ASAP1: variants seen among roughly 807,000 people sequenced by gnomAD.
ASAP1 encodes the protein ArfGAP with SH3 domain, ankyrin repeat and PH domain 1.
A neutral mutation model predicts 145.2 loss-of-function variants in ASAP1; 43 were observed. The ratio of observed to expected loss-of-function variants is 0.30; its 90% CI spans 0.23 to 0.38. The LOEUF (loss-of-function observed/expected upper bound fraction) is 0.38, where lower values mean the gene tolerates loss of function less well. Ranked by LOEUF, ASAP1 falls within the 10% of genes least tolerant of loss-of-function variation. The pLI, the probability that ASAP1 is intolerant of heterozygous loss-of-function variation, is 1.00. For missense variants in ASAP1, 1,018 were observed against 1,355.3 expected, an observed-to-expected ratio of 0.75 and a Z score of 3.91; for synonymous variants, 546 against 515.5, an observed-to-expected ratio of 1.06 and a Z score of -0.80.
intron 25 of ASAP1, among the ~76,000 whole-genome samples, chr8:130,081,761 G>C (rs2097481062): frequency 6.6e-6 from 1 of 152,176 alleles, no homozygotes; most frequent in Non-Finnish European, 1.5e-5. Context: ...TGGGGAAATG[G>C]TGTACCTGGG....
intron 3 of ASAP1, among the ~76,000 whole-genome samples, chr8:130,295,681 TATG>T (rs1335272103): frequency 6.6e-6 from 1 of 152,188 alleles, no homozygotes; most frequent in Non-Finnish European, 1.5e-5. Context: ...GCTGCAACTG[TATG>T]ATGTGCATGA....
At chr8:130,103,958 C>T (rs2097532936) in intron 24 of ASAP1, among the ~76,000 whole-genome samples, 2 of 152,206 alleles carry the variant, frequency 1.3e-5, no homozygotes, top group African/African-American at 4.8e-5. Flanking sequence ...CTTCTCTAAT[C>T]CATCCCCTCT....
intron 24 of ASAP1, among the ~76,000 whole-genome samples, chr8:130,109,282 T>A (rs747049983): frequency 1.8e-4 from 27 of 152,082 alleles, no homozygotes; most frequent in Non-Finnish European, 2.4e-4. Flanking sequence ...GCTACTGAGC[T>A]CCTCTGAGAC....
At chr8:130,084,993 TGTAA>T (rs946185883) in intron 25 of ASAP1, among the ~76,000 whole-genome samples, 9 of 152,188 alleles carry the variant, frequency 5.9e-5, no homozygotes, top group Non-Finnish European at 1.2e-4. Context: ...AGATGAGGAA[TGTAA>T]GTGATTCCCA....
chr8:130,136,853 T>G, intron 14 of ASAP1, 98 bp downstream of exon 14: 1 of 1,009,540 alleles, frequency 9.9e-7, no homozygotes, highest in Non-Finnish European at 1.6e-6. Flanking sequence ...ATGCCAACTG[T>G]GAGGAGCCCT....
intron 10 of ASAP1, among the ~76,000 whole-genome samples, chr8:130,168,179 T>C (rs1438837138): frequency 6.6e-6 from 1 of 152,210 alleles, no homozygotes; most frequent in Non-Finnish European, 1.5e-5. Context: ...TTTGTAATTA[T>C]AAAACTTTAT....
chr8:130,343,932 C>T (rs1018643139), intron 3 of ASAP1, among the ~76,000 whole-genome samples: 8 of 152,152 alleles, frequency 5.3e-5, no homozygotes, highest in African/African-American at 9.7e-5. Context: ...GTGACAGTAG[C>T]GGCTACCTCT....
At chr8:130,361,272 G>A (rs2138192920) in intron 2 of ASAP1, 1 of 210,162 alleles carries the variant, frequency 4.8e-6, no homozygotes, top group Non-Finnish European at 9.7e-6. Flanking sequence ...TTCCCTCCTA[G>A]TAACTGATGC....
intron 3 of ASAP1, among the ~76,000 whole-genome samples, chr8:130,331,683 G>T (rs951305649): frequency 1.3e-5 from 2 of 152,132 alleles, no homozygotes; most frequent in Admixed American, 1.3e-4. Context: ...CTGTTACCTA[G>T]TCAAGAGGTG....
chr8:130,164,483 T>C (rs1028246234), intron 11 of ASAP1, among the ~76,000 whole-genome samples: 5 of 152,072 alleles, frequency 3.3e-5, no homozygotes, highest in Non-Finnish European at 5.9e-5. Flanking sequence ...CCCAGCTACT[T>C]GGGAGGCTGA....
At chr8:130,308,785 T>A (rs2137512078) in intron 3 of ASAP1, among the ~76,000 whole-genome samples, 1 of 152,308 alleles carries the variant, frequency 6.6e-6, no homozygotes, top group Middle Eastern at 3.4e-3. Context: ...CTTACACCTG[T>A]AATCCCACCA....
At chr8:130,277,295 A>G (rs1820971254) in intron 3 of ASAP1, among the ~76,000 whole-genome samples, 1 of 152,226 alleles carries the variant, frequency 6.6e-6, no homozygotes, top group Admixed American at 6.5e-5. Flanking sequence ...TGTAGCAGCC[A>G]CTTGGTAACG....
At chr8:130,383,959 G>C (rs908019623) in intron 2 of ASAP1, among the ~76,000 whole-genome samples, 1 of 152,202 alleles carries the variant, frequency 6.6e-6, no homozygotes, top group Non-Finnish European at 1.5e-5. Context: ...CTCCTTTCCA[G>C]AACTGGCCAC....
At chr8:130,387,643 C>T (rs147488641) in intron 2 of ASAP1, among the ~76,000 whole-genome samples, 2,513 of 141,898 alleles carry the variant, frequency 0.018, 35 homozygotes, top group Middle Eastern at 0.052. Flanking sequence ...GATGACAGAG[C>T]GAGACTCCAT....
At chr8:130,330,497 G>A (rs763729510) in intron 3 of ASAP1, among the ~76,000 whole-genome samples, 2 of 152,186 alleles carry the variant, frequency 1.3e-5, no homozygotes, top group Non-Finnish European at 2.9e-5. Flanking sequence ...ACACCTTTGG[G>A]ACAGAAAGCA....
intron 25 of ASAP1, among the ~76,000 whole-genome samples, chr8:130,089,915 C>CA (rs141311731): frequency 0.02 from 3,116 of 152,310 alleles, 49 homozygotes; most frequent in East Asian, 0.064. Context: ...GGCGAACTGT[C>CA]ACTGTGGCCG....
At chr8:130,055,727 G>A (rs1354075383) in intron 29 of ASAP1, among the ~76,000 whole-genome samples, 1 of 152,168 alleles carries the variant, frequency 6.6e-6, no homozygotes, top group Non-Finnish European at 1.5e-5. Flanking sequence ...GCACTAAAGA[G>A]AATCATGTAA....
chr8:130,290,057 C>T (rs918585158), intron 3 of ASAP1, among the ~76,000 whole-genome samples: 16 of 152,128 alleles, frequency 1.1e-4, no homozygotes, highest in Admixed American at 9.2e-4. Flanking sequence ...CAGTTGGCAA[C>T]GGCCCGAGAG....
intron 4 of ASAP1, among the ~76,000 whole-genome samples, chr8:130,233,025 G>A (rs780775505): frequency 2.0e-5 from 3 of 152,146 alleles, no homozygotes; most frequent in Non-Finnish European, 4.4e-5. Context: ...CATTTTTAAA[G>A]AATTAAATGT....
Sources: allele counts gnomAD v4.1 joint callset (sites outside exome capture counted in the v4.1 genomes callset), GRCh38; gene constraint gnomAD v4.1.1; transcripts MANE v1.5; gene names NCBI Gene and HGNC (gene_info 2026-07-23, HGNC 2026-07-21).